The following NRG3 variants were observed in gnomAD, a reference collection of about 807,000 sequenced individuals.
NRG3 encodes the protein pro-neuregulin-3, membrane-bound isoform.
NRG3 carries 31 observed loss-of-function variants against 66.9 expected under a neutral mutation model. The ratio of observed to expected loss-of-function variants is 0.46; its 90% CI spans 0.35 to 0.63. The LOEUF is 0.63. NRG3 is among the 20% of genes least tolerant of loss of function. The probability of loss-of-function intolerance (pLI) is 0.00; values close to 1 mark genes in which losing one functional copy is unlikely to be tolerated. For missense variants in NRG3, 910 were observed against 878.9 expected, an observed-to-expected ratio of 1.04 and a Z score of -0.45; for synonymous variants, 393 against 359.4, an observed-to-expected ratio of 1.09 and a Z score of -1.06.
chr10:82,665,313 A>G (rs940355009), intron 2 of NRG3, among the ~76,000 whole-genome samples: 3 of 152,208 alleles, frequency 2.0e-5, no homozygotes, highest in African/African-American at 7.2e-5. Context: ...GATACAACAT[A>G]TCACAATTCA....
At chr10:82,782,684 G>T (rs1391155348) in intron 3 of NRG3, among the ~76,000 whole-genome samples, 2 of 151,982 alleles carry the variant, frequency 1.3e-5, no homozygotes, top group African/African-American at 2.4e-5. Context: ...GGGCAATTCT[G>T]GTGAGGGCTT....
chr10:81,951,010 A>C (rs1159597278), intron 1 of NRG3, among the ~76,000 whole-genome samples: 1 of 152,180 alleles, frequency 6.6e-6, no homozygotes, highest in Non-Finnish European at 1.5e-5. Flanking sequence ...TAGGGTGGAC[A>C]CAAAACAATC....
At chr10:82,218,520 C>A (rs553439761) in intron 1 of NRG3, among the ~76,000 whole-genome samples, 1 of 152,276 alleles carries the variant, frequency 6.6e-6, no homozygotes, top group South Asian at 2.1e-4. Flanking sequence ...AACATATCCC[C>A]TTCTTACAGA....
At chr10:82,716,796 T>C (rs1319812051) in intron 2 of NRG3, among the ~76,000 whole-genome samples, 2 of 152,320 alleles carry the variant, frequency 1.3e-5, no homozygotes, top group Non-Finnish European at 2.9e-5. Flanking sequence ...CAAAGGTCTT[T>C]ATACATAATT....
At chr10:82,323,674 G>A (rs1435570521) in intron 1 of NRG3, among the ~76,000 whole-genome samples, 1 of 152,008 alleles carries the variant, frequency 6.6e-6, no homozygotes, top group East Asian at 1.9e-4. Context: ...GAGTTTTACA[G>A]AATTGGTGTT....
intron 2 of NRG3, among the ~76,000 whole-genome samples, chr10:82,724,219 TAC>T (rs2134553111): frequency 7.0e-6 from 1 of 143,424 alleles, no homozygotes; most frequent in South Asian, 2.1e-4. Flanking sequence ...AGGCCTATGC[TAC>T]TTTTTTTTTT....
chr10:82,808,939 G>A (rs2061389650), intron 3 of NRG3, among the ~76,000 whole-genome samples: 2 of 152,186 alleles, frequency 1.3e-5, no homozygotes, highest in Admixed American at 1.3e-4. Flanking sequence ...CACAGTAGAG[G>A]TGCTATTTGG....
intron 2 of NRG3, among the ~76,000 whole-genome samples, chr10:82,704,319 CCAA>C (rs2056127387): frequency 6.6e-6 from 1 of 152,124 alleles, no homozygotes; most frequent in Admixed American, 6.6e-5. Context: ...CAGTGCAAGG[CCAA>C]CATCTAAGTG....
chr10:82,726,539 A>T (rs1159270928), intron 2 of NRG3, among the ~76,000 whole-genome samples: 1 of 152,026 alleles, frequency 6.6e-6, no homozygotes, highest in Non-Finnish European at 1.5e-5. Flanking sequence ...TTCATGTAAG[A>T]TGTGACTTGC....
chr10:82,945,193 G>T (rs1848902786), intron 4 of NRG3, among the ~76,000 whole-genome samples: 1 of 152,164 alleles, frequency 6.6e-6, no homozygotes, highest in South Asian at 2.1e-4. Context: ...AAACCAGGCA[G>T]CATACCAGTG....
chr10:82,886,703 G>A (rs1280272009), intron 4 of NRG3, among the ~76,000 whole-genome samples: 3 of 152,134 alleles, frequency 2.0e-5, no homozygotes, highest in Non-Finnish European at 4.4e-5. Context: ...TGAGAACTGA[G>A]GCTGAGATGC....
intron 1 of NRG3, among the ~76,000 whole-genome samples, chr10:82,131,923 T>C (rs2068851410): frequency 6.6e-6 from 1 of 152,122 alleles, no homozygotes; most frequent in African/African-American, 2.4e-5. Context: ...TCAGTAGTAA[T>C]AGTTTTTTTG....
intron 1 of NRG3, among the ~76,000 whole-genome samples, chr10:81,926,914 G>C (rs1376753595): frequency 6.6e-6 from 1 of 152,184 alleles, no homozygotes; most frequent in Non-Finnish European, 1.5e-5. Context: ...ACCCGGAAGA[G>C]GGGTTGTGAC....
At chr10:82,385,026 G>A (rs2135897710) in intron 2 of NRG3, among the ~76,000 whole-genome samples, 1 of 152,194 alleles carries the variant, frequency 6.6e-6, no homozygotes, top group African/African-American at 2.4e-5. Context: ...GGTATGAAAT[G>A]GTATCTCATT....
chr10:82,379,174 G>A (rs1269800642), intron 2 of NRG3, among the ~76,000 whole-genome samples: 2 of 152,082 alleles, frequency 1.3e-5, no homozygotes, highest in African/African-American at 2.4e-5. Context: ...GTGTTGAGAG[G>A]GGTTAACTGT....
chr10:82,740,596 G>A (rs1286088910), intron 3 of NRG3, among the ~76,000 whole-genome samples: 1 of 152,162 alleles, frequency 6.6e-6, no homozygotes, highest in South Asian at 2.1e-4. Context: ...ACTTTGGGAG[G>A]CAGAGATGCT....
At chr10:82,170,058 T>A (rs1025979061) in intron 1 of NRG3, among the ~76,000 whole-genome samples, 1 of 151,968 alleles carries the variant, frequency 6.6e-6, no homozygotes, top group Non-Finnish European at 1.5e-5. Flanking sequence ...TCCACTGTTT[T>A]GTTCTTTAAT....
At chr10:82,651,088 T>A (rs2051377119) in intron 2 of NRG3, among the ~76,000 whole-genome samples, 1 of 152,316 alleles carries the variant, frequency 6.6e-6, no homozygotes, top group Non-Finnish European at 1.5e-5. Context: ...GCCATTGAGA[T>A]AAAGAGGAAA....
chr10:82,327,837 G>A (rs2081952064), intron 1 of NRG3, among the ~76,000 whole-genome samples: 3 of 152,190 alleles, frequency 2.0e-5, no homozygotes, highest in Admixed American at 2.0e-4. Flanking sequence ...GGTTTGGCAG[G>A]TGTGGTTTCT....
Sources: allele counts gnomAD v4.1 joint callset (sites outside exome capture counted in the v4.1 genomes callset), GRCh38; gene constraint gnomAD v4.1.1; transcripts MANE v1.5; gene names NCBI Gene and HGNC (gene_info 2026-07-23, HGNC 2026-07-21).